TMEM132D: variants seen among roughly 807,000 people sequenced by gnomAD.
The protein encoded by TMEM132D is transmembrane protein 132D.
A neutral mutation model predicts 62.3 loss-of-function variants in TMEM132D; 21 were observed. That is an observed-to-expected ratio of 0.34 (90% CI 0.24 to 0.49). TMEM132D has a LOEUF of 0.49. Ranked by LOEUF, TMEM132D falls within the 20% of genes least tolerant of loss-of-function variation. The probability of loss-of-function intolerance (pLI) is 0.99; values close to 1 mark genes in which losing one functional copy is unlikely to be tolerated. For synonymous variants in TMEM132D, 621 were observed against 575.6 expected, an observed-to-expected ratio of 1.08 and a Z score of -1.13; for missense variants, 1,346 against 1,402.8, an observed-to-expected ratio of 0.96 and a Z score of 0.65.
intron 3 of TMEM132D, among the ~76,000 whole-genome samples, chr12:129,408,148 C>G (rs1192997850): frequency 1.3e-5 from 2 of 152,152 alleles, no homozygotes; most frequent in Admixed American, 1.3e-4. Flanking sequence ...GCCTTTAACA[C>G]ACATCCACCA....
At chr12:129,885,318 T>C (rs1425691802) in intron 1 of TMEM132D, among the ~76,000 whole-genome samples, 1 of 152,256 alleles carries the variant, frequency 6.6e-6, no homozygotes, top group East Asian at 1.9e-4. Context: ...TATCTTCTTA[T>C]GTGAGTCTAA....
rs76812992 is a variant in TMEM132D, at chr12:129,756,073, T to C, written c.80-55375A>G. Among the ~76,000 whole-genome samples, 13 of 152,266 alleles carry C rather than the reference T, an allele frequency of 8.5e-5. No homozygotes were observed. In the East Asian group the frequency reaches 2.5e-3, roughly 30 times the overall value. On this transcript the variant is annotated intron_variant, in intron 1 of 8. Transcript: ENST00000422113. ...TTCTTTTCATAGGAGGTCTCTAAGC[T>C]GGTCAGACTCAGGGAGGCGAAGAGT...
At chr12:129,256,392 A>G (rs1425518050) in intron 4 of TMEM132D, among the ~76,000 whole-genome samples, 1 of 152,124 alleles carries the variant, frequency 6.6e-6, no homozygotes, top group African/African-American at 2.4e-5. Context: ...ACATAGCTGT[A>G]GCTAATTCTG....
intron 3 of TMEM132D, among the ~76,000 whole-genome samples, chr12:129,389,806 A>G (rs1173897820): frequency 6.6e-6 from 1 of 152,206 alleles, no homozygotes; most frequent in Non-Finnish European, 1.5e-5. Context: ...TACTTCTTCC[A>G]CTAAGAGTTG....
At chr12:129,260,984 T>C (rs1047758706) in intron 4 of TMEM132D, among the ~76,000 whole-genome samples, 2 of 152,254 alleles carry the variant, frequency 1.3e-5, no homozygotes, top group African/African-American at 4.8e-5. Context: ...CATATGCATC[T>C]ATCTTTTTCT....
intron 1 of TMEM132D, among the ~76,000 whole-genome samples, chr12:129,806,938 G>A (rs1337144416): frequency 6.6e-6 from 1 of 152,154 alleles, no homozygotes; most frequent in African/African-American, 2.4e-5. Context: ...GGAGGCTGAA[G>A]CAGGAGGATC....
At chr12:129,697,186 A>C (rs1881229616) in intron 2 of TMEM132D, among the ~76,000 whole-genome samples, 1 of 152,182 alleles carries the variant, frequency 6.6e-6, no homozygotes, top group Non-Finnish European at 1.5e-5. Flanking sequence ...TGCATGATGC[A>C]TATTTGCACA....
At chr12:129,272,472 A>G (rs116964188) in intron 4 of TMEM132D, among the ~76,000 whole-genome samples, 3,418 of 151,970 alleles carry the variant, frequency 0.022, 72 homozygotes, top group Non-Finnish European at 0.037. Context: ...AAATTCCACA[A>G]ATTTTAACAA....
chr12:129,204,219 T>A (rs957864090), intron 5 of TMEM132D, among the ~76,000 whole-genome samples: 11 of 152,140 alleles, frequency 7.2e-5, no homozygotes, highest in Non-Finnish European at 1.5e-4. Flanking sequence ...ATTCAGAATA[T>A]GGATAGAAAC....
At chr12:129,458,101 A>T (rs2135730699) in intron 3 of TMEM132D, among the ~76,000 whole-genome samples, 1 of 152,208 alleles carries the variant, frequency 6.6e-6, no homozygotes, top group African/African-American at 2.4e-5. Flanking sequence ...CACAAAGGAG[A>T]CAGCTCCTCT....
At chr12:129,136,244 A>C (rs1311475352) in intron 5 of TMEM132D, among the ~76,000 whole-genome samples, 1 of 152,198 alleles carries the variant, frequency 6.6e-6, no homozygotes, top group Non-Finnish European at 1.5e-5. Context: ...TTGATTGAAT[A>C]ATTTACAGAC....
At chr12:129,609,277 T>A (rs1878707593) in intron 2 of TMEM132D, among the ~76,000 whole-genome samples, 1 of 151,978 alleles carries the variant, frequency 6.6e-6, no homozygotes, top group African/African-American at 2.4e-5. Context: ...TCCAAGGTGA[T>A]GCTAATATTG....
chr12:129,865,061 GATA>G (rs1463431491), intron 1 of TMEM132D, among the ~76,000 whole-genome samples: 1 of 152,198 alleles, frequency 6.6e-6, no homozygotes, highest in Non-Finnish European at 1.5e-5. Context: ...TGGAAATCCA[GATA>G]ATAAGCAGAC....
At chr12:129,126,769 A>G (rs1359150027) in intron 5 of TMEM132D, among the ~76,000 whole-genome samples, 1 of 152,212 alleles carries the variant, frequency 6.6e-6, no homozygotes, top group Non-Finnish European at 1.5e-5. Context: ...TTTCTTGTAT[A>G]TTGCTAGCAT....
At chr12:129,482,829 CACCTGGGTTAATACAGTTA>C (rs1874467763) in intron 3 of TMEM132D, among the ~76,000 whole-genome samples, 2 of 151,040 alleles carry the variant, frequency 1.3e-5, no homozygotes, top group African/African-American at 4.9e-5. Context: ...AGCCTTTTTT[CACCTGGGTTAATACAGTTA>C]ACCCAGACTC....
At position 129,209,561 on chromosome 12, in the gene TMEM132D, C is replaced by G; in HGVS notation, c.1402G>C (p.Glu468Gln). Residue 468 changes from glutamate (E) to glutamine (Q), a missense_variant, in exon 5 of 9, where the codon GAG becomes CAG. Transcript: ENST00000422113. Reference protein sequence around the residue: ...EDDGTVTELLESVECRSSDED... With the variant: ...EDDGTVTELLQSVECRSSDED... The stretch of plus-strand genomic sequence containing the variant: ...TCAGACGATCTACACTCCACAGACT[C>G]CAGCAGCTCTGTCACTGTGCCGTCG... 1.9e-6 allele frequency: 3 copies of G among 1,614,192 alleles called. No homozygotes were observed. The highest frequency in any genetic ancestry group is 2.5e-6 in the Non-Finnish European group (3 of 1,180,014).
intron 2 of TMEM132D, among the ~76,000 whole-genome samples, chr12:129,544,852 C>T (rs947384655): frequency 6.6e-6 from 1 of 152,200 alleles, no homozygotes; most frequent in Non-Finnish European, 1.5e-5. Context: ...CAACCCACAT[C>T]GGTAGTTCTC....
intron 1 of TMEM132D, among the ~76,000 whole-genome samples, chr12:129,701,853 A>G (rs1226753127): frequency 1.3e-5 from 2 of 152,220 alleles, no homozygotes; most frequent in African/African-American, 4.8e-5. Context: ...AGGCCCACGC[A>G]AACACACATC....
At chr12:129,509,619 G>A (rs1299278454) in intron 3 of TMEM132D, among the ~76,000 whole-genome samples, 1 of 151,668 alleles carries the variant, frequency 6.6e-6, no homozygotes, top group East Asian at 1.9e-4. Flanking sequence ...CTCCCCTTCT[G>A]CCCCCAACTA....
Sources: gnomAD v4.1 joint callset for allele counts (sites outside exome capture counted in the v4.1 genomes callset) on GRCh38, gnomAD v4.1.1 for gene constraint, MANE v1.5 for transcripts, NCBI Gene and HGNC (gene_info 2026-07-23, HGNC 2026-07-21) for gene names.